The following CSF2RA variants were observed in gnomAD, a reference collection of about 807,000 sequenced individuals.
The protein encoded by CSF2RA is colony stimulating factor 2 receptor subunit alpha, also known as granulocyte-macrophage colony-stimulating factor receptor subunit alpha.
CSF2RA carries 42 observed loss-of-function variants against 51.6 expected under a neutral mutation model. The ratio of observed to expected loss-of-function variants is 0.81; its 90% confidence interval spans 0.64 to 1.05. The LOEUF (loss-of-function observed/expected upper bound fraction) is 1.05. Ranked by LOEUF, CSF2RA falls within the 50% of genes least tolerant of loss-of-function variation. The pLI, the probability that CSF2RA is intolerant of heterozygous loss-of-function variation, is 0.00. For synonymous variants in CSF2RA, 222 were observed against 193.0 expected (o/e 1.15, Z -1.24); for missense variants, 530 against 501.1 (o/e 1.06, Z -0.55).
chrX:1,317,315 A>G, the CSF2RA span, among the ~76,000 whole-genome samples: 16 of 96,832 alleles, frequency 1.7e-4, no homozygotes, highest in African/African-American at 6.8e-4. Context: ...GCAGTGGTAC[A>G]ATCTCAGGTC....
intron 6 of CSF2RA, among the ~76,000 whole-genome samples, chrX:1,289,549 G>C (rs2091133490): frequency 6.7e-6 from 1 of 148,652 alleles, no homozygotes; most frequent in Non-Finnish European, 1.5e-5. Context: ...TTTTGTTTTT[G>C]TGTTTTTTTG....
downstream of CSF2RA, among the ~76,000 whole-genome samples, chrX:1,314,943 ACCCCTCTGTG>A (rs1460650575): frequency 3.9e-5 from 4 of 103,092 alleles, 1 homozygote; most frequent in African/African-American, 1.2e-4. Flanking sequence ...CACTTGCCCA[ACCCCTCTGTG>A]CCTGCCCAAC....
intron 2 of CSF2RA, among the ~76,000 whole-genome samples, chrX:1,275,642 TC>T (rs1326671414): frequency 1.3e-5 from 2 of 151,800 alleles, no homozygotes; most frequent in African/African-American, 4.8e-5. Flanking sequence ...CACTGCAACC[TC>T]CGCCTCCCGG....
intron 9 of CSF2RA, among the ~76,000 whole-genome samples, chrX:1,299,013 G>T (rs1388875465): frequency 1.6e-4 from 25 of 152,158 alleles, no homozygotes; most frequent in Non-Finnish European, 3.2e-4. Context: ...TGCCAGTGTG[G>T]CCCAGGGGTG....
At chrX:1,273,088 A>G (rs28784038) in intron 1 of CSF2RA, among the ~76,000 whole-genome samples, 73,033 of 151,056 alleles carry the variant, frequency 0.48, 19,342 homozygotes, top group Non-Finnish European at 0.6. Flanking sequence ...CCAAAGTGCT[A>G]GGATTATAGG....
chrX:1,298,205 G>A (rs1182384441), intron 9 of CSF2RA, among the ~76,000 whole-genome samples: 1 of 1,410 alleles, frequency 7.1e-4, no homozygotes. Flanking sequence ...GACCCCTGGT[G>A]GAACCCTACA....
At chrX:1,322,062 G>A in the CSF2RA span, among the ~76,000 whole-genome samples, 23,238 of 151,196 alleles carry the variant, frequency 0.15, 2,868 homozygotes, top group African/African-American at 0.34. Context: ...TTGATCCCAG[G>A]ATTTCAGGAC....
chrX:1,290,530 T>C (rs2091303250), intron 7 of CSF2RA, 21 bp downstream of exon 7: 2 of 1,609,732 alleles, frequency 1.2e-6, no homozygotes, highest in Middle Eastern at 1.7e-4. Context: ...CACATATGAT[T>C]TTCCTATTGT....
intron 10 of CSF2RA, among the ~76,000 whole-genome samples, chrX:1,301,525 AGTCT>A (rs1412618703): frequency 6.6e-6 from 1 of 151,346 alleles, no homozygotes; most frequent in Non-Finnish European, 1.5e-5. Context: ...ACAATCAGTC[AGTCT>A]TTGTCCGGTC....
At chrX:1,286,266 C>G (rs1204598240) in intron 4 of CSF2RA, among the ~76,000 whole-genome samples, 2 of 144,564 alleles carry the variant, frequency 1.4e-5, no homozygotes, top group Non-Finnish European at 3.0e-5. Flanking sequence ...GAGCGAGACT[C>G]TGTCTCATAA....
chrX:1,305,559 G>C, intron 12 of CSF2RA, 32 bp downstream of exon 12: 1 of 1,614,004 alleles, frequency 6.2e-7, no homozygotes, highest in Non-Finnish European at 8.5e-7. Flanking sequence ...AGTGACCTGG[G>C]ATGGAAGGTG....
chrX:1,291,612 A>G (rs1297562292), intron 7 of CSF2RA, among the ~76,000 whole-genome samples: 1 of 151,370 alleles, frequency 6.6e-6, no homozygotes, highest in Non-Finnish European at 1.5e-5. Flanking sequence ...CAGGCTTAGG[A>G]CTCTCACAGA....
At chrX:1,302,288 T>C (rs1184698064) in intron 10 of CSF2RA, among the ~76,000 whole-genome samples, 1 of 152,024 alleles carries the variant, frequency 6.6e-6, no homozygotes, top group Non-Finnish European at 1.5e-5. Context: ...AAGATGATTT[T>C]GAGGGCTCCA....
At chrX:1,276,532 C>A (rs1314658787) in intron 2 of CSF2RA, among the ~76,000 whole-genome samples, 6 of 151,564 alleles carry the variant, frequency 4.0e-5, no homozygotes, top group Non-Finnish European at 7.4e-5. Flanking sequence ...CGCCATCACA[C>A]CCGGCTAGTA....
chrX:1,317,750 A>G, the CSF2RA span, among the ~76,000 whole-genome samples: 1 of 151,830 alleles, frequency 6.6e-6, no homozygotes, highest in East Asian at 1.9e-4. Flanking sequence ...AAGAAGAGGA[A>G]GAAGAGAAAT....
In CSF2RA at chrX:1,309,508, C is replaced by T. The variant is rs2084027709; in HGVS notation, c.*29C>T. ...CCAGAGGGTGTAGGAATGGCATGGA[C>T]ATCTCCGCCTCCGCGACACGGGGGA... is the stretch of plus-strand genomic sequence containing the variant. On this transcript the variant is annotated 3_prime_UTR_variant, in exon 13 of 13. Transcript: ENST00000381529. 6.2e-7 allele frequency: 1 copy of T among 1,613,966 alleles called. No individual in the cohort carries two copies. Among genetic ancestry groups the T allele is most frequent in the Non-Finnish European group, 8.5e-7 (1 of 1,179,842 alleles).
the CSF2RA span, among the ~76,000 whole-genome samples, chrX:1,321,189 G>A: frequency 6.6e-6 from 1 of 152,000 alleles, no homozygotes; most frequent in Non-Finnish European, 1.5e-5. Context: ...GCAGACAGAG[G>A]CCGGGCACGG....
chrX:1,295,756 G>C (rs1389540809), intron 9 of CSF2RA, among the ~76,000 whole-genome samples: 2 of 149,524 alleles, frequency 1.3e-5, no homozygotes, highest in East Asian at 2.0e-4. Flanking sequence ...ACCCAGTATA[G>C]ACAGGAGGAG....
In CSF2RA at chrX:1,294,405, A is replaced by G. The variant is rs1294048689; in HGVS notation, c.724A>G (p.Thr242Ala). The G allele has an allele frequency of 3.1e-6, 5 of 1,613,916 alleles. No individual in the cohort carries two copies. In the East Asian group the frequency reaches 1.1e-4, roughly 36 times the overall value. The change falls in exon 8 of 13, where the codon ACC becomes GCC. Residue 242 changes from threonine (T) to alanine (A), a missense_variant. By Grantham distance (58) the Thr-to-Ala change is moderately conservative (BLOSUM62 0). Coordinates refer to ENST00000381529, the MANE Select transcript of CSF2RA (RefSeq NM_172245.4). ...CCTCGTACGGTGGAAACAGCCCAGG[A>G]CCTATCAGAAGCTGTCGTACCTGGA... The part of the protein sequence containing the change: ...HCLVRWKQPR[T>A]YQKLSYLDFQ...
Sources: allele counts gnomAD v4.1 joint callset (sites outside exome capture counted in the v4.1 genomes callset), GRCh38; gene constraint gnomAD v4.1.1; transcripts MANE v1.5; gene names NCBI Gene and HGNC (gene_info 2026-07-23, HGNC 2026-07-21).